SLC44A5: variants seen among roughly 807,000 people sequenced by gnomAD.
SLC44A5 encodes solute carrier family 44 member 5, also known as choline transporter-like protein 5.
Under a neutral mutation model 101.8 loss-of-function variants are expected in SLC44A5, and 57 were observed. The ratio of observed to expected loss-of-function variants is 0.56; its 90% CI spans 0.45 to 0.70. The LOEUF (loss-of-function observed/expected upper bound fraction) is 0.70. SLC44A5 is among the 30% of genes least tolerant of loss of function. SLC44A5 has a pLI of 0.00. For synonymous variants in SLC44A5, 281 were observed against 290.9 expected, an observed-to-expected ratio of 0.97 and a Z score of 0.35; for missense variants, 737 against 853.1, an observed-to-expected ratio of 0.86 and a Z score of 1.70.
the SLC44A5 span, among the ~76,000 whole-genome samples, chr1:75,684,519 T>A: frequency 6.6e-6 from 1 of 151,938 alleles, no homozygotes; most frequent in Non-Finnish European, 1.5e-5. Flanking sequence ...TTAGCTAAAT[T>A]GGAGAAATTG....
At chr1:75,677,626 C>T in the SLC44A5 span, 1 of 359,576 alleles carries the variant, frequency 2.8e-6, no homozygotes, top group Non-Finnish European at 5.3e-6. Context: ...GGAGTAAGTC[C>T]TTAATTATCA....
At chr1:75,321,932 T>G (rs1050694932) in intron 4 of SLC44A5, among the ~76,000 whole-genome samples, 5 of 152,218 alleles carry the variant, frequency 3.3e-5, no homozygotes, top group African/African-American at 7.2e-5. Flanking sequence ...TTGATGAACT[T>G]CCATGGGAAA....
chr1:75,716,990 C>T, the SLC44A5 span, among the ~76,000 whole-genome samples: 6 of 151,070 alleles, frequency 4.0e-5, no homozygotes, highest in East Asian at 1.9e-4. Flanking sequence ...GCCGAGATCG[C>T]GCCACTGCAC....
chr1:75,678,246 G>T, the SLC44A5 span, among the ~76,000 whole-genome samples: 3 of 152,170 alleles, frequency 2.0e-5, no homozygotes, highest in African/African-American at 7.2e-5. Context: ...AGCTCGAACT[G>T]GGTGGAGCCC....
chr1:75,496,171 G>A (rs1668661307), intron 2 of SLC44A5, among the ~76,000 whole-genome samples: 1 of 151,944 alleles, frequency 6.6e-6, no homozygotes, highest in Non-Finnish European at 1.5e-5. Flanking sequence ...GAAGAACAAA[G>A]TTGACAACAT....
At chr1:75,661,673 TA>T in the SLC44A5 span, among the ~76,000 whole-genome samples, 1 of 151,520 alleles carries the variant, frequency 6.6e-6, no homozygotes, top group African/African-American at 2.4e-5. Flanking sequence ...AAAATCCAAT[TA>T]AAAAAACAAA....
chr1:75,406,099 C>G (rs910828438), intron 2 of SLC44A5, among the ~76,000 whole-genome samples: 1 of 152,096 alleles, frequency 6.6e-6, no homozygotes, highest in Non-Finnish European at 1.5e-5. Context: ...CACAAATAAA[C>G]TAGAAAATCC....
At chr1:75,544,255 T>C (rs1182336505) in intron 1 of SLC44A5, among the ~76,000 whole-genome samples, 1 of 152,160 alleles carries the variant, frequency 6.6e-6, no homozygotes, top group African/African-American at 2.4e-5. Flanking sequence ...TGATGCCTTC[T>C]GCCATTATGA....
chr1:75,483,536 G>C (rs546613512), intron 2 of SLC44A5, among the ~76,000 whole-genome samples: 1 of 152,120 alleles, frequency 6.6e-6, no homozygotes, highest in African/African-American at 2.4e-5. Context: ...AAGAGTTGCT[G>C]AAACATTTAG....
chr1:75,600,604 C>T (rs1324584849), intron 1 of SLC44A5, among the ~76,000 whole-genome samples: 1 of 152,104 alleles, frequency 6.6e-6, no homozygotes, highest in South Asian at 2.1e-4. Context: ...TCATGTGCCA[C>T]ATAATGACAT....
At chr1:75,279,443 A>T (rs1652205138) in intron 5 of SLC44A5, among the ~76,000 whole-genome samples, 1 of 152,156 alleles carries the variant, frequency 6.6e-6, no homozygotes, top group Non-Finnish European at 1.5e-5. Context: ...GCTTTGGCTT[A>T]CATCATAACC....
chr1:75,486,868 T>G (rs891018410), intron 2 of SLC44A5, among the ~76,000 whole-genome samples: 1 of 152,234 alleles, frequency 6.6e-6, no homozygotes, highest in South Asian at 2.1e-4. Context: ...ATAACATTCA[T>G]AGAGAGGCCT....
intron 2 of SLC44A5, among the ~76,000 whole-genome samples, chr1:75,431,909 G>T (rs1021167125): frequency 6.6e-6 from 1 of 152,086 alleles, no homozygotes; most frequent in African/African-American, 2.4e-5. Flanking sequence ...TCATTCCTTT[G>T]CCAAGGGAGG....
chr1:75,448,682 C>G (rs536633860), intron 2 of SLC44A5, among the ~76,000 whole-genome samples: 1 of 152,106 alleles, frequency 6.6e-6, no homozygotes, highest in Non-Finnish European at 1.5e-5. Context: ...CACCTCTCAC[C>G]TGTTTTGCTA....
At chr1:75,453,536 A>G (rs1557800364) in intron 2 of SLC44A5, among the ~76,000 whole-genome samples, 2 of 152,256 alleles carry the variant, frequency 1.3e-5, no homozygotes, top group Non-Finnish European at 2.9e-5. Context: ...AACTAAAATC[A>G]GAGAATAACT....
intron 13 of SLC44A5, 25 bp downstream of exon 13, chr1:75,227,701 T>C (rs777281477): frequency 1.3e-6 from 2 of 1,531,130 alleles, no homozygotes; most frequent in Non-Finnish European, 1.7e-6. Context: ...ACAATTTTAA[T>C]GAAACCAGTT....
Position 75,217,980 on chromosome 1 carries a change from GAATAAGTT to G in SLC44A5, c.1530-28_1530-21del. On this transcript the variant is annotated intron_variant, in intron 17 of 23. Coordinates refer to ENST00000370859, the MANE Select transcript of SLC44A5 (RefSeq NM_001130058.2). ...TGATATCTGCACAAAAATAAAATGA[GAATAAGTT>G]AAAACTTAATACTATTATTTAAGGG... 6.8e-7 allele frequency: 1 copy of G among 1,480,878 alleles called. No homozygotes were observed. The highest frequency in any genetic ancestry group is 1.7e-4 in the Middle Eastern group (1 of 5,792). The allele number at this position is 1,480,878 out of a possible 1,614,324, so 91.7% of individuals were successfully genotyped here.
In SLC44A5 at chr1:75,383,424, C is replaced by A. The variant is rs548804530; in HGVS notation, c.52+13159G>T. Among the ~76,000 whole-genome samples, 366 of 151,992 alleles carry A rather than the reference C, an allele frequency of 2.4e-3. 4 individuals carry two copies. Among genetic ancestry groups the A allele is most frequent in the South Asian group, 7.5e-3 (36 of 4,788 alleles). ...ATCTCTCGTCCCACCTTACGAGAAA[C>A]ACCCACAGGTGTGTAGGGGCAACCC... On this transcript the variant is annotated intron_variant, in intron 3 of 23. Coordinates refer to ENST00000370859, the MANE Select transcript of SLC44A5 (RefSeq NM_001130058.2).
intron 5 of SLC44A5, among the ~76,000 whole-genome samples, chr1:75,283,039 A>T (rs1652738792): frequency 6.6e-6 from 1 of 152,182 alleles, no homozygotes; most frequent in Non-Finnish European, 1.5e-5. Context: ...GGACTGCTGG[A>T]TCAAATGGCA....
Sources: allele counts gnomAD v4.1 joint callset (sites outside exome capture counted in the v4.1 genomes callset), GRCh38; gene constraint gnomAD v4.1.1; transcripts MANE v1.5; gene names NCBI Gene and HGNC (gene_info 2026-07-23, HGNC 2026-07-21).